The following SHKBP1 variants were observed in gnomAD, a reference collection of about 807,000 sequenced individuals.
SHKBP1 encodes the protein SH3KBP1 binding protein 1, also known as SH3KBP1-binding protein 1.
A neutral mutation model predicts 83.9 loss-of-function variants in SHKBP1; 71 were observed. That is an observed-to-expected ratio of 0.85 (90% CI 0.70 to 1.03). The LOEUF (loss-of-function observed/expected upper bound fraction) is 1.03. Among genes scored for constraint, SHKBP1 ranks in the 50% least tolerant of loss-of-function variants. SHKBP1 has a pLI of 0.00. For synonymous variants in SHKBP1, 371 were observed against 398.0 expected (o/e 0.93, Z 0.81); for missense variants, 824 against 982.4 (o/e 0.84, Z 2.16).
At chr19:40,589,792 G>C (rs187466835) in intron 15 of SHKBP1, among the ~76,000 whole-genome samples, 1 of 152,216 alleles carries the variant, frequency 6.6e-6, no homozygotes, top group Admixed American at 6.5e-5. Context: ...GGAAGGACAC[G>C]TGGGCTCCTG....
At chr19:40,588,516 C>A in intron 13 of SHKBP1, 108 bp from the exon 14 acceptor site, 1 of 1,380,256 alleles carries the variant, frequency 7.2e-7, no homozygotes, top group Non-Finnish European at 1.0e-6. Context: ...GGGAAGAACT[C>A]AGCAAGGGCT....
Position 40,591,353 on chromosome 19 carries a change from T to G in SHKBP1, c.*146T>G. The G allele has an allele frequency of 1.5e-6, 1 of 667,486 alleles. No homozygotes were observed. The highest frequency in any genetic ancestry group is 2.4e-6 in the Non-Finnish European group (1 of 425,216). The allele number at this position is 667,486 out of a possible 1,614,324, so 41.3% of individuals were successfully genotyped here. On this transcript the variant is annotated 3_prime_UTR_variant, in exon 18 of 18. Coordinates refer to ENST00000291842, the MANE Select transcript of SHKBP1 (RefSeq NM_138392.4). ...TACTAGGTCCCCACCTTCCCTCTTT[T>G]CTGGAAGCCAAAGTCACCCTCCCCA...
chr19:40,583,346 AG>A (rs886592807), intron 10 of SHKBP1, 51 bp from the exon 11 acceptor site: 1 of 1,458,428 alleles, frequency 6.9e-7, no homozygotes, highest in African/African-American at 1.4e-5. Flanking sequence ...TCACCACGGA[AG>A]GAAAGGAATG....
rs764685042 is a variant in SHKBP1, at chr19:40,583,481, C to T, written c.1044C>T (p.Tyr348=). The T allele has an allele frequency of 1.4e-5, 23 of 1,612,084 alleles. No homozygotes were observed. The highest frequency in any genetic ancestry group is 8.9e-5 in the East Asian group (4 of 44,796). The change falls in exon 11 of 18, where the codon TAC becomes TAT. Residue 348 remains tyrosine, a synonymous_variant. Transcript: ENST00000291842. The stretch of plus-strand genomic sequence containing the variant: ...GCTGCAACAACGGCTCCATTTACTA[C>T]GTGGGTGAGCAGCAGCCTGTGTCCC... The part of the protein sequence containing the change: ...LLGCNNGSIY[Y]VDVQKFPLRM...
intron 12 of SHKBP1, among the ~76,000 whole-genome samples, chr19:40,585,304 G>A (rs1474008871): frequency 1.3e-5 from 2 of 151,924 alleles, no homozygotes; most frequent in Non-Finnish European, 2.9e-5. Context: ...ACAGGGTTTT[G>A]CCATGTTGCC....
chr19:40,581,024 A>G (rs79720866), intron 9 of SHKBP1, 88 bp downstream of exon 9: 3 of 1,276,034 alleles, frequency 2.4e-6, no homozygotes, highest in Non-Finnish European at 3.2e-6. Context: ...CCTCAAACCC[A>G]TAAGAATTCT....
chr19:40,584,121 G>A (rs954940105), intron 12 of SHKBP1, among the ~76,000 whole-genome samples: 2 of 152,136 alleles, frequency 1.3e-5, no homozygotes, highest in African/African-American at 2.4e-5. Context: ...GATTACAGAC[G>A]TGAGCCACCG....
At chr19:40,578,634 G>T (rs1189856333) in intron 6 of SHKBP1, 92 bp downstream of exon 6, 2 of 1,137,054 alleles carry the variant, frequency 1.8e-6, no homozygotes, top group Non-Finnish European at 2.7e-6. Context: ...TGTGCTGTGC[G>T]TCCTGAGATA....
intron 12 of SHKBP1, 112 bp from the exon 13 acceptor site, chr19:40,586,662 G>A (rs775919042): frequency 1.6e-5 from 18 of 1,118,278 alleles, no homozygotes; most frequent in East Asian, 8.6e-5. Context: ...CACCGTGCCC[G>A]GCCTCTCCTT....
chr19:40,577,412 A>G lies in SHKBP1; in HGVS notation c.157A>G (p.Ile53Val). The change falls in exon 3 of 18, where the codon ATC (isoleucine) becomes GTC (valine). Residue 53 changes from isoleucine (I) to valine (V), a missense_variant. Physicochemically the swap from Ile to Val is conservative, Grantham distance 29. This residue lies in a region of SHKBP1 where 355 missense variants were observed against 386.4 expected (regional missense o/e 0.92). Coordinates refer to ENST00000291842, the MANE Select transcript of SHKBP1 (RefSeq NM_138392.4). ...TCCCTGCAGTCTTCTGAGCGGACGC[A>G]TCTCGACGCTGAAAGATGAGACCGG... ...SFFSSLLSGR[I>V]STLKDETGAI... 1 of 1,613,834 alleles carries G rather than the reference A, an allele frequency of 6.2e-7. No homozygotes were observed. The highest frequency in any genetic ancestry group is 1.1e-5 in the South Asian group (1 of 91,066).
At chr19:40,577,157 G>T (rs2081221587) in intron 1 of SHKBP1, 74 bp from the exon 2 acceptor site, 10 of 1,577,738 alleles carry the variant, frequency 6.3e-6, no homozygotes, top group Non-Finnish European at 8.7e-6. Flanking sequence ...GGGAACCCTG[G>T]ATCCTGCGGG....
chr19:40,578,622 C>A, intron 6 of SHKBP1, 80 bp downstream of exon 6: 3 of 1,316,210 alleles, frequency 2.3e-6, no homozygotes, highest in African/African-American at 1.4e-5. Context: ...CTCTCGGGTG[C>A]CTGTGCTGTG....
At position 40,580,786 on chromosome 19, in the gene SHKBP1, C is replaced by A; in HGVS notation, c.694C>A (p.Pro232Thr). 1 of 1,611,360 alleles carries A rather than the reference C, an allele frequency of 6.2e-7. No individual in the cohort carries two copies. Among genetic ancestry groups the A allele is most frequent in the Non-Finnish European group, 8.5e-7 (1 of 1,178,446 alleles). The change falls in exon 9 of 18, where the codon CCC becomes ACC. Residue 232 changes from proline to threonine, a missense_variant. By Grantham distance (38) the Pro-to-Thr change is conservative (BLOSUM62 -1). Around this residue, in one of 3 missense-constraint regions of SHKBP1, gnomAD observed 355 missense variants for 386.4 expected, o/e 0.92. Coordinates refer to ENST00000291842, the MANE Select transcript of SHKBP1 (RefSeq NM_138392.4). ...TGGCTGGCAGCTGGTGTTTTCCAGCCCCCGCCTGGACTGGCCCATCGAACG... is the reference window on the plus strand; with the variant it reads ...TGGCTGGCAGCTGGTGTTTTCCAGCACCCGCCTGGACTGGCCCATCGAACG... ...ASGWQLVFSS[P>T]RLDWPIERLA...
Position 40,576,949 on chromosome 19 carries a change from C to T in SHKBP1, c.50C>T (p.Pro17Leu). Residue 17 changes from proline to leucine, a missense_variant, in exon 1 of 18, where the codon CCC becomes CTC. Physicochemically the swap from Pro to Leu is moderately conservative, Grantham distance 98. Coordinates refer to ENST00000291842, the MANE Select transcript of SHKBP1 (RefSeq NM_138392.4). ...GAGGGGGTCCCCAGTCGGGGGCCTC[C>T]CGGGGAAGTCATTCATCTGAATGTG... is the stretch of plus-strand genomic sequence containing the variant. ...AAEGVPSRGP[P>L]GEVIHLNVGG... is the part of the protein sequence containing the mutation. 6.7e-7 allele frequency: 1 copy of T among 1,502,630 alleles called. No individual in the cohort carries two copies. The highest frequency in any genetic ancestry group is 1.3e-5 in the South Asian group (1 of 75,494). The allele number at this position is 1,502,630 out of a possible 1,614,324, so 93.1% of individuals were successfully genotyped here. A position where few individuals can be genotyped will look rare whatever the true frequency, so the allele number is the denominator to read the frequency against.
chr19:40,577,947 C>CCACACA, intron 4 of SHKBP1: 1 of 568,290 alleles, frequency 1.8e-6, no homozygotes, highest in Non-Finnish European at 3.1e-6. Flanking sequence ...CGATTTCTCC[C>CCACACA]TACACACACA....
rs201174448 is a variant in SHKBP1 at position 40,590,949 on chromosome 19, G to A, written c.1893-27G>A. ...AGTGGCCCAGCTGCCCCGTGATGAC[G>A]TGCACTTACTGTCCTTACTTCCTCA... On this transcript the variant is annotated intron_variant, in intron 17 of 17. Coordinates refer to ENST00000291842, the MANE Select transcript of SHKBP1 (RefSeq NM_138392.4). This position sits in a 1 kb window ranked among gnomAD's most constrained non-coding sequence, Gnocchi z 4.6. 70 of 1,585,186 alleles carry A rather than the reference G, an allele frequency of 4.4e-5. No individual in the cohort carries two copies. Among genetic ancestry groups the A allele is most frequent in the African/African-American group, 3.3e-4 (25 of 74,634 alleles).
intron 12 of SHKBP1, 102 bp downstream of exon 12, chr19:40,583,819 C>T (rs1039326262): frequency 2.0e-5 from 17 of 838,126 alleles, no homozygotes; most frequent in Non-Finnish European, 3.2e-5. Flanking sequence ...AGGGGTTTAT[C>T]GAGGGGCGGC....
In SHKBP1 at chr19:40,586,764, C is replaced by A; in HGVS notation, c.1166-10C>A. 3 of 1,565,078 alleles carry A rather than the reference C, an allele frequency of 1.9e-6. No homozygotes were observed. The highest frequency in any genetic ancestry group is 2.6e-6 in the Non-Finnish European group (3 of 1,150,364). ...CCCAGGCCCTCTCCTCATCCTTGGC[C>A]CCTCACCAGGTGACAGTGGGAACTG... On this transcript the variant is annotated splice_polypyrimidine_tract_variant and intron_variant, in intron 12 of 17. Coordinates refer to ENST00000291842, the MANE Select transcript of SHKBP1 (RefSeq NM_138392.4).
At position 40,576,939 on chromosome 19, in the gene SHKBP1, C is replaced by A. The variant is rs778130163; in HGVS notation, c.40C>A (p.Arg14=). ...TACTGCAGCCGAGGGGGTCCCCAGTCGGGGGCCTCCCGGGGAAGTCATTCA... is the reference window on the plus strand; with the variant it reads ...TACTGCAGCCGAGGGGGTCCCCAGTAGGGGGCCTCCCGGGGAAGTCATTCA... ...AATAAEGVPS[R]GPPGEVIHLN... is the part of the protein sequence containing the mutation. The change falls in exon 1 of 18, where the codon CGG becomes AGG. Residue 14 remains arginine, a synonymous_variant. Transcript: ENST00000291842. 1.3e-6 allele frequency: 2 copies of A among 1,494,958 alleles called. No homozygotes were observed. The highest frequency in any genetic ancestry group is 8.9e-7 in the Non-Finnish European group (1 of 1,126,430). The allele number at this position is 1,494,958 out of a possible 1,614,324, so 92.6% of individuals were successfully genotyped here.
Sources: gnomAD v4.1 joint callset for allele counts (sites outside exome capture counted in the v4.1 genomes callset) on GRCh38, gnomAD v4.1.1 for gene constraint, gnomAD v4.1.1 regional missense constraint, Gnocchi (gnomAD v3.1) non-coding constraint, MANE v1.5 for transcripts, NCBI Gene and HGNC (gene_info 2026-07-23, HGNC 2026-07-21) for gene names.